Variants in AOX1 observed in about 807,000 individuals in gnomAD.
AOX1 encodes aldehyde oxidase 1.
Under a neutral mutation model 169.5 loss-of-function variants are expected in AOX1, and 153 were observed. The ratio of observed to expected loss-of-function variants is 0.90; its 90% confidence interval spans 0.79 to 1.03. AOX1 has a LOEUF of 1.03. Ranked by LOEUF, AOX1 falls within the 50% of genes least tolerant of loss-of-function variation. The pLI, the probability that AOX1 is intolerant of heterozygous loss-of-function variation, is 0.00. For missense variants in AOX1, 1,656 were observed against 1,663.9 expected, an observed-to-expected ratio of 1.00 and a Z score of 0.08; for synonymous variants, 562 against 581.9, an observed-to-expected ratio of 0.97 and a Z score of 0.49.
intron 25 of AOX1, among the ~76,000 whole-genome samples, chr2:200,644,574 T>A (rs989757238): frequency 1.3e-5 from 2 of 152,222 alleles, no homozygotes; most frequent in Admixed American, 6.5e-5. Flanking sequence ...TTGTTTTTTC[T>A]AATTCTGTGA....
chr2:200,597,321 C>A, intron 3 of AOX1, 76 bp from the exon 4 acceptor site: 2 of 1,019,990 alleles, frequency 2.0e-6, no homozygotes, highest in Non-Finnish European at 2.9e-6. Flanking sequence ...AGTGGAGAAG[C>A]TCAGTGAATG....
intron 5 of AOX1, among the ~76,000 whole-genome samples, chr2:200,600,728 G>T (rs559285212): frequency 6.6e-6 from 1 of 152,204 alleles, no homozygotes; most frequent in African/African-American, 2.4e-5. Flanking sequence ...TCTTCTGCCT[G>T]ATTTCCTTCA....
rs563953215 is a variant in AOX1, at chr2:200,652,890, C to T, written c.3075+1689C>T. 7.9e-5 allele frequency among the ~76,000 whole-genome samples: 12 copies of T among 152,246 alleles called. No homozygotes were observed. In the South Asian group the frequency reaches 2.5e-3, roughly 32 times the overall value. On this transcript the variant is annotated intron_variant, in intron 26 of 34. Coordinates refer to ENST00000374700, the MANE Select transcript of AOX1 (RefSeq NM_001159.4). ...AACCAGCCTGAGCAACATAGTGAGG[C>T]CCCATCTCTACAAAAAAGAAAAAAT... is the stretch of plus-strand genomic sequence containing the variant.
intron 16 of AOX1, among the ~76,000 whole-genome samples, chr2:200,619,540 CTTCT>C (rs1186203812): frequency 6.6e-6 from 1 of 152,236 alleles, no homozygotes; most frequent in African/African-American, 2.4e-5. Context: ...ACCTGCTCTC[CTTCT>C]TTCTTCATAT....
chr2:200,602,862 A>C (rs558589785), intron 6 of AOX1, among the ~76,000 whole-genome samples: 12 of 152,292 alleles, frequency 7.9e-5, no homozygotes, highest in African/African-American at 2.9e-4. Context: ...GAAATGAAGG[A>C]TATAAGATTG....
intron 5 of AOX1, among the ~76,000 whole-genome samples, chr2:200,600,055 T>C (rs1011225425): frequency 7.2e-5 from 11 of 152,194 alleles, no homozygotes; most frequent in African/African-American, 2.7e-4. Context: ...ATAAGATAGG[T>C]ACTATTGTTA....
chr2:200,635,624 C>T (rs964180865), intron 21 of AOX1, among the ~76,000 whole-genome samples: 3 of 152,142 alleles, frequency 2.0e-5, no homozygotes, highest in Admixed American at 6.5e-5. Flanking sequence ...AAATGACACC[C>T]ATTCATTTAT....
Position 200,599,621 on chromosome 2 carries a change from A to T in AOX1, c.311A>T (p.Glu104Val). Reference protein sequence around the residue: ...STHTRIHPVQERIAKCHGTQC... With the variant: ...STHTRIHPVQVRIAKCHGTQC... ...TTTCTAACCTTTCTGTGCTTCCAGG[A>T]GAGGATTGCCAAGTGTCATGGCACC... The change falls in exon 5 of 35, where the codon GAG becomes GTG. Residue 104 changes from glutamate (E) to valine (V), a missense_variant and splice_region_variant. Physicochemically the swap from Glu to Val is moderately radical, Grantham distance 121. Transcript: ENST00000374700. 6.2e-7 allele frequency: 1 copy of T among 1,608,470 alleles called. No homozygotes were observed. The highest frequency in any genetic ancestry group is 8.5e-7 in the Non-Finnish European group (1 of 1,177,680).
chr2:200,647,048 T>G (rs1182389982), intron 25 of AOX1, among the ~76,000 whole-genome samples: 1 of 152,210 alleles, frequency 6.6e-6, no homozygotes, highest in East Asian at 1.9e-4. Flanking sequence ...AGTGGAGAAT[T>G]TAGACCATTT....
chr2:200,664,021 C>CGCACTAGG (rs775200410), intron 31 of AOX1, among the ~76,000 whole-genome samples: 117 of 152,292 alleles, frequency 7.7e-4, no homozygotes, highest in Non-Finnish European at 1.5e-3. Context: ...AGGGTAACCT[C>CGCACTAGG]GCACTAGGGC....
At position 200,609,439 on chromosome 2, in the gene AOX1, AT is replaced by A. The variant is rs1307511698; in HGVS notation, c.1153+27del. ...GGTAAGTGACAGCCCCTACTTGGAG[AT>A]TATTAAGCTGTTTCTCTACCCCTTT... On this transcript the variant is annotated intron_variant, in intron 12 of 34. Transcript: ENST00000374700. The A allele has an allele frequency of 1.9e-6, 3 of 1,593,926 alleles. No homozygotes were observed. In the African/African-American group the frequency reaches 4.0e-5, roughly 21 times the overall value.
intron 1 of AOX1, among the ~76,000 whole-genome samples, chr2:200,590,320 G>A (rs1286339167): frequency 6.6e-6 from 1 of 152,158 alleles, no homozygotes; most frequent in Non-Finnish European, 1.5e-5. Context: ...GTGATACAGA[G>A]GGGCAGATTC....
At chr2:200,664,941 A>G (rs1574964249) in intron 31 of AOX1, among the ~76,000 whole-genome samples, 1 of 152,132 alleles carries the variant, frequency 6.6e-6, no homozygotes, top group Non-Finnish European at 1.5e-5. Flanking sequence ...GAGGCTTGTC[A>G]AGCTGTGGCT....
intron 31 of AOX1, among the ~76,000 whole-genome samples, chr2:200,665,342 A>G (rs1378515086): frequency 6.6e-6 from 1 of 152,232 alleles, no homozygotes. Flanking sequence ...ATCCAGAGCC[A>G]TCTTTTAGGC....
At chr2:200,588,001 C>T (rs979496123) in intron 1 of AOX1, among the ~76,000 whole-genome samples, 5 of 152,100 alleles carry the variant, frequency 3.3e-5, no homozygotes, top group African/African-American at 9.7e-5. Context: ...CAAGTCCTTG[C>T]GTGCATGGAG....
intron 31 of AOX1, among the ~76,000 whole-genome samples, chr2:200,665,088 C>G (rs1427939273): frequency 1.3e-5 from 2 of 152,200 alleles, no homozygotes; most frequent in Non-Finnish European, 2.9e-5. Context: ...CATGTGGATA[C>G]CTCTTTGTAG....
At chr2:200,588,956 G>C (rs2034109848) in intron 1 of AOX1, among the ~76,000 whole-genome samples, 1 of 151,776 alleles carries the variant, frequency 6.6e-6, no homozygotes, top group Admixed American at 6.6e-5. Flanking sequence ...GCCCAGCCTA[G>C]CATAAACTTT....
intron 1 of AOX1, among the ~76,000 whole-genome samples, chr2:200,590,767 A>G (rs1392914262): frequency 6.6e-6 from 1 of 152,206 alleles, no homozygotes; most frequent in African/African-American, 2.4e-5. Context: ...GACCCTGTCT[A>G]TCCATTAAAA....
chr2:200,659,322 C>A, intron 28 of AOX1, 29 bp downstream of exon 28: 1 of 1,601,958 alleles, frequency 6.2e-7, no homozygotes, highest in South Asian at 1.1e-5. Flanking sequence ...GCGTCCAAAT[C>A]ATTAACTCCC....
Sources: allele counts gnomAD v4.1 joint callset (sites outside exome capture counted in the v4.1 genomes callset), GRCh38; gene constraint gnomAD v4.1.1; transcripts MANE v1.5; gene names NCBI Gene and HGNC (gene_info 2026-07-23, HGNC 2026-07-21).